The following CSMD3 variants were observed in gnomAD, a reference collection of about 807,000 sequenced individuals.
The protein encoded by CSMD3 is CUB and Sushi multiple domains 3.
Under a neutral mutation model 435.2 loss-of-function variants are expected in CSMD3, and 177 were observed. The observed-to-expected ratio is 0.41, with a 90% CI of 0.36 to 0.46. CSMD3 has a LOEUF of 0.46. Among genes scored for constraint, CSMD3 ranks in the 20% least tolerant of loss-of-function variants. The probability of loss-of-function intolerance (pLI) is 0.34; values close to 1 mark genes in which losing one functional copy is unlikely to be tolerated. For synonymous variants in CSMD3, 1,656 were observed against 1,520.5 expected, an observed-to-expected ratio of 1.09 and a Z score of -2.07; for missense variants, 4,265 against 4,504.6, an observed-to-expected ratio of 0.95 and a Z score of 1.52.
At chr8:112,666,536 T>A (rs2075530473) in intron 16 of CSMD3, 121 bp from the exon 17 acceptor site, 1 of 832,344 alleles carries the variant, frequency 1.2e-6, no homozygotes, top group African/African-American at 1.7e-5. Context: ...GTTAATACTA[T>A]TTTTGAAAGC....
intron 4 of CSMD3, among the ~76,000 whole-genome samples, chr8:113,163,984 G>A (rs939810519): frequency 1.8e-4 from 27 of 152,030 alleles, no homozygotes; most frequent in South Asian, 4.2e-4. Context: ...GCGTTGTTTA[G>A]CTAAAGAAAT....
chr8:112,841,776 G>GAA (rs374997073), intron 11 of CSMD3, among the ~76,000 whole-genome samples: 13 of 150,156 alleles, frequency 8.7e-5, no homozygotes, highest in Admixed American at 8.7e-4. Flanking sequence ...GTCTTAGCAG[G>GAA]AAAAAAAAAG....
intron 17 of CSMD3, 61 bp from the exon 18 acceptor site, chr8:112,656,402 G>T: frequency 8.3e-7 from 1 of 1,208,992 alleles, no homozygotes; most frequent in Non-Finnish European, 1.2e-6. Flanking sequence ...TGGAAATAAT[G>T]CTTTGGACTG....
chr8:112,884,997 C>T (rs1374938715), intron 10 of CSMD3, among the ~76,000 whole-genome samples: 1 of 151,654 alleles, frequency 6.6e-6, no homozygotes, highest in Non-Finnish European at 1.5e-5. Flanking sequence ...GACCCAATCC[C>T]AGTCCACTCT....
At chr8:113,015,743 T>G (rs905607992) in intron 6 of CSMD3, among the ~76,000 whole-genome samples, 1 of 151,840 alleles carries the variant, frequency 6.6e-6, no homozygotes, top group African/African-American at 2.4e-5. Flanking sequence ...TTTTCTTTCT[T>G]GGACAATTGA....
intron 1 of CSMD3, chr8:113,377,364 A>G (rs559341099): frequency 1.0e-4 from 17 of 170,124 alleles, no homozygotes; most frequent in Admixed American, 7.4e-4. Flanking sequence ...TTCAGTATAC[A>G]CATGAAGTAT....
intron 9 of CSMD3, among the ~76,000 whole-genome samples, chr8:112,935,808 T>G (rs546406571): frequency 5.1e-4 from 78 of 152,022 alleles, no homozygotes; most frequent in South Asian, 6.2e-4. Context: ...TGACGTGATT[T>G]GATATAGTTT....
chr8:113,191,531 A>C lies in CSMD3; in HGVS notation c.515-17615T>G, dbSNP rs2092584635. On this transcript the variant is annotated intron_variant, in intron 3 of 70. Transcript: ENST00000297405. ...GTTCCCATGTTAATTTGCTTAGGAT[A>C]ATGGCCTCCAGCTTCATCTCCATGT... 3.3e-5 allele frequency among the ~76,000 whole-genome samples: 5 copies of C among 151,536 alleles called. No individual in the cohort carries two copies. The Admixed American group carries it at 3.3e-4, about 10-fold the overall frequency.
At chr8:113,414,954 AG>A (rs200484313) in intron 1 of CSMD3, among the ~76,000 whole-genome samples, 260 of 152,296 alleles carry the variant, frequency 1.7e-3, no homozygotes, top group South Asian at 0.011. Flanking sequence ...TGACAGAGGC[AG>A]TATGTAAAAA....
At chr8:112,969,551 C>T (rs1443586511) in intron 7 of CSMD3, among the ~76,000 whole-genome samples, 1 of 151,884 alleles carries the variant, frequency 6.6e-6, no homozygotes, top group Non-Finnish European at 1.5e-5. Flanking sequence ...ATTGACTATA[C>T]TAGGTCAAAA....
intron 46 of CSMD3, 70 bp from the exon 47 acceptor site, chr8:112,319,020 T>C: frequency 2.2e-6 from 2 of 890,738 alleles, no homozygotes; most frequent in Non-Finnish European, 3.7e-6. Context: ...AATATTTCAA[T>C]TGTAGGAGAA....
chr8:112,254,280 T>C lies in CSMD3; in HGVS notation c.10083A>G (p.Gly3361=), dbSNP rs759395594. 6.2e-7 allele frequency: 1 copy of C among 1,612,582 alleles called. No homozygotes were observed. The highest frequency in any genetic ancestry group is 8.5e-7 in the Non-Finnish European group (1 of 1,178,926). ...SCENPGVPRH[G]SQNNTFGFQV... The stretch of plus-strand genomic sequence containing the variant: ...GAAATCCGAATGTATTGTTCTGAGA[T>C]CCATGCCGAGGCACACCTGGGTTTT... The change falls in exon 63 of 71, where the codon GGA becomes GGG. Residue 3361 remains glycine (G), a synonymous_variant. Coordinates refer to ENST00000297405, the MANE Select transcript of CSMD3 (RefSeq NM_198123.2).
At chr8:112,793,516 C>T (rs1035535481) in intron 13 of CSMD3, among the ~76,000 whole-genome samples, 5 of 152,008 alleles carry the variant, frequency 3.3e-5, no homozygotes, top group Admixed American at 2.6e-4. Flanking sequence ...AAAATAAAAA[C>T]TTGCAGCAAA....
chr8:112,849,847 A>G (rs1481092783), intron 11 of CSMD3, among the ~76,000 whole-genome samples: 2 of 152,052 alleles, frequency 1.3e-5, no homozygotes, highest in Non-Finnish European at 2.9e-5. Flanking sequence ...TCCAGACTAA[A>G]TAAAGGATAG....
At chr8:113,016,505 G>A (rs2086464811) in intron 6 of CSMD3, among the ~76,000 whole-genome samples, 1 of 151,812 alleles carries the variant, frequency 6.6e-6, no homozygotes, top group East Asian at 1.9e-4. Context: ...AATTTTCATG[G>A]TATTTAATAA....
chr8:112,783,344 C>T (rs992943050), intron 13 of CSMD3, among the ~76,000 whole-genome samples: 2 of 144,488 alleles, frequency 1.4e-5, no homozygotes, highest in African/African-American at 2.5e-5. Flanking sequence ...AAATAGAAAG[C>T]CAAGAATTAA....
intron 2 of CSMD3, among the ~76,000 whole-genome samples, chr8:113,308,061 T>C (rs971681159): frequency 6.6e-6 from 1 of 152,102 alleles, no homozygotes; most frequent in Non-Finnish European, 1.5e-5. Flanking sequence ...GTTTTTGCAA[T>C]AGACTGCAAT....
At chr8:112,993,375 CAAG>C (rs975414092) in intron 6 of CSMD3, among the ~76,000 whole-genome samples, 2 of 151,626 alleles carry the variant, frequency 1.3e-5, no homozygotes, top group Admixed American at 1.3e-4. Context: ...TTTTAAGGAA[CAAG>C]AAGGATACCA....
intron 3 of CSMD3, among the ~76,000 whole-genome samples, chr8:113,219,501 A>G (rs557548044): frequency 1.3e-4 from 20 of 151,632 alleles, no homozygotes; most frequent in African/African-American, 4.6e-4. Flanking sequence ...AATATACCCA[A>G]GTATATAAAA....
Sources: allele counts gnomAD v4.1 joint callset (sites outside exome capture counted in the v4.1 genomes callset), GRCh38; gene constraint gnomAD v4.1.1; transcripts MANE v1.5; gene names NCBI Gene and HGNC (gene_info 2026-07-23, HGNC 2026-07-21).